AHNAK: variants seen among roughly 807,000 people sequenced by gnomAD.
The protein encoded by AHNAK is AHNAK nucleoprotein.
Under a neutral mutation model 37.8 loss-of-function variants are expected in AHNAK, and 23 were observed. That is an observed-to-expected ratio of 0.61 (90% CI 0.44 to 0.86). The LOEUF is 0.86. Ranked by LOEUF, AHNAK falls within the 40% of genes least tolerant of loss-of-function variation. The pLI is 0.00. For missense variants in AHNAK, 7,411 were observed against 7,319.4 expected, an observed-to-expected ratio of 1.01 and a Z score of -0.46; for synonymous variants, 2,481 against 2,636.3, an observed-to-expected ratio of 0.94 and a Z score of 1.80.
chr11:62,440,787 AG>A (rs1433906098), intron 5 of AHNAK, among the ~76,000 whole-genome samples: 1 of 152,162 alleles, frequency 6.6e-6, no homozygotes, highest in African/African-American at 2.4e-5. Flanking sequence ...GAGGGCCCTC[AG>A]CCAAAATCTC....
Position 62,530,701 on chromosome 11 carries a change from T to C in AHNAK, c.3716A>G (p.Asp1239Gly). 1.2e-6 allele frequency: 2 copies of C among 1,613,756 alleles called. No individual in the cohort carries two copies. Among genetic ancestry groups the C allele is most frequent in the Non-Finnish European group, 1.7e-6 (2 of 1,179,944 alleles). ...VEIKGPKMDI[D>G]APDVEVQGPD... is the part of the protein sequence containing the mutation. ...GCCTTGAACCTCCACATCTGGGGCA[T>C]CAATGTCCATTTTGGGTCCTTTGAT... The change falls in exon 5 of 5, where the codon GAT becomes GGT. Residue 1239 changes from aspartate (D) to glycine (G), a missense_variant. Physicochemically the swap from Asp to Gly is moderately conservative, Grantham distance 94. Transcript: ENST00000378024.
chr11:62,450,719 G>A (rs1938518651), intron 5 of AHNAK, among the ~76,000 whole-genome samples: 1 of 152,258 alleles, frequency 6.6e-6, no homozygotes, highest in South Asian at 2.1e-4. Context: ...CCACCAGAGA[G>A]AGGAAGTCAT....
At chr11:62,444,417 C>T (rs1938380342) in intron 5 of AHNAK, among the ~76,000 whole-genome samples, 1 of 152,196 alleles carries the variant, frequency 6.6e-6, no homozygotes, top group African/African-American at 2.4e-5. Flanking sequence ...AGAAGAGGAT[C>T]TCGAAAGCAG....
intron 5 of AHNAK, among the ~76,000 whole-genome samples, chr11:62,470,436 T>C (rs1164454829): frequency 1.4e-5 from 2 of 140,434 alleles, no homozygotes; most frequent in Admixed American, 1.4e-4. Flanking sequence ...ACAGCAAGAC[T>C]CTGTCTCAAA....
In AHNAK at chr11:62,520,847, T is replaced by C. The variant is rs1238541177; in HGVS notation, c.13570A>G (p.Ile4524Val). The C allele has an allele frequency of 6.2e-7, 1 of 1,614,148 alleles. No homozygotes were observed. Among genetic ancestry groups the C allele is most frequent in the Non-Finnish European group, 8.5e-7 (1 of 1,180,024 alleles). Residue 4524 changes from isoleucine to valine, a missense_variant, in exon 5 of 5, where the codon ATT becomes GTT. Physicochemically the swap from Ile to Val is conservative, Grantham distance 29 (BLOSUM62 3). Transcript: ENST00000378024. ...FKSPQISMSD[I>V]DLNLKGPKIK... ...TTAGGTCCTTTCAAATTCAAATCAA[T>C]GTCACTCATGGAGATTTGTGGGCTT... is the stretch of plus-strand genomic sequence containing the variant.
Position 62,517,115 on chromosome 11 carries a change from A to C in AHNAK, c.17302T>G (p.Phe5768Val). Reference sequence around the variant, plus strand: ...GGCTTCTTACTTTTAAATAAGGAGAATTTGCCTTTCGGTGAAGAGGCTTCG... The same window carrying C: ...GGCTTCTTACTTTTAAATAAGGAGACTTTGCCTTTCGGTGAAGAGGCTTCG... Reference protein sequence around the residue: ...EAEASSPKGKFSLFKSKKPRH... With the variant: ...EAEASSPKGKVSLFKSKKPRH... The change falls in exon 5 of 5, where the codon TTC (phenylalanine) becomes GTC (valine). Residue 5768 changes from phenylalanine (F) to valine (V), a missense_variant. Physicochemically the swap from Phe to Val is conservative, Grantham distance 50. Transcript: ENST00000378024. 6.2e-7 allele frequency: 1 copy of C among 1,613,234 alleles called. No individual in the cohort carries two copies. The highest frequency in any genetic ancestry group is 8.5e-7 in the Non-Finnish European group (1 of 1,179,844).
intron 5 of AHNAK, among the ~76,000 whole-genome samples, chr11:62,448,258 TGA>T (rs951904923): frequency 6.6e-6 from 1 of 152,182 alleles, no homozygotes; most frequent in Non-Finnish European, 1.5e-5. Flanking sequence ...GTTGTTATGC[TGA>T]GTGTGGCTGG....
In AHNAK at chr11:62,519,966, G is replaced by A. The variant is rs200960440; in HGVS notation, c.14451C>T (p.Asp4817=). The change falls in exon 5 of 5, where the codon GAC becomes GAT. Residue 4817 remains aspartate, a synonymous_variant. Transcript: ENST00000378024. ...CGATATTCACATCTGGAATATCAACGTCCACCTTGGGTCCCGAGACATCGA... is the reference window on the plus strand; with the variant it reads ...CGATATTCACATCTGGAATATCAACATCCACCTTGGGTCCCGAGACATCGA... ...ADIDVSGPKV[D]VDIPDVNIEG... is the part of the protein sequence containing the mutation. 20 of 1,613,126 alleles carry A rather than the reference G, an allele frequency of 1.2e-5. No individual in the cohort carries two copies. Among genetic ancestry groups the A allele is most frequent in the Admixed American group, 6.7e-5 (4 of 59,856 alleles).
At chr11:62,534,190 A>G in intron 4 of AHNAK, 116 bp from the exon 5 acceptor site, 1 of 1,103,138 alleles carries the variant, frequency 9.1e-7, no homozygotes. Flanking sequence ...TGGGACCAAA[A>G]CAGAGGTCCA....
At chr11:62,492,906 G>A (rs1939529174) in intron 4 of AHNAK, among the ~76,000 whole-genome samples, 1 of 151,210 alleles carries the variant, frequency 6.6e-6, no homozygotes, top group African/African-American at 2.5e-5. Context: ...CTCTTCCCCA[G>A]GGGATAGTAA....
chr11:62,510,776 T>TATATATATATATATATATATATAC (rs1555028323), intron 4 of AHNAK, among the ~76,000 whole-genome samples: 1 of 150,600 alleles, frequency 6.6e-6, no homozygotes, highest in African/African-American at 2.5e-5. Context: ...TATATATATA[T>TATATATATATATATATATATATAC]ATGTATATGT....
At chr11:62,512,679 G>A (rs572989306), downstream of AHNAK, among the ~76,000 whole-genome samples, 1 of 152,156 alleles carries the variant, frequency 6.6e-6, no homozygotes, top group East Asian at 1.9e-4. The surrounding 1 kb of genome is among the most constrained non-coding windows in gnomAD (Gnocchi z 4.0). Flanking sequence ...CAAGGAGGGA[G>A]TGATTGATTG....
intron 5 of AHNAK, among the ~76,000 whole-genome samples, chr11:62,476,258 G>T (rs1195323973): frequency 6.6e-6 from 1 of 152,234 alleles, no homozygotes; most frequent in East Asian, 1.9e-4. Flanking sequence ...GCATGGTGGC[G>T]CATGGCTATA....
chr11:62,494,503 C>G (rs1939570881), intron 4 of AHNAK, among the ~76,000 whole-genome samples: 1 of 151,942 alleles, frequency 6.6e-6, no homozygotes, highest in Non-Finnish European at 1.5e-5. Flanking sequence ...CTACTACTAC[C>G]CCGTTTTACA....
intron 5 of AHNAK, among the ~76,000 whole-genome samples, chr11:62,468,011 A>T (rs1938950414): frequency 6.6e-6 from 1 of 152,124 alleles, no homozygotes; most frequent in Admixed American, 6.6e-5. Flanking sequence ...TGTCCTCTAG[A>T]ATCTTCTTCC....
At chr11:62,483,459 G>C (rs1939317477) in intron 5 of AHNAK, among the ~76,000 whole-genome samples, 1 of 152,224 alleles carries the variant, frequency 6.6e-6, no homozygotes, top group African/African-American at 2.4e-5. Flanking sequence ...GGGCGCGGTG[G>C]CTCGCGCCTG....
intron 5 of AHNAK, among the ~76,000 whole-genome samples, chr11:62,463,735 G>A (rs1197515535): frequency 1.3e-5 from 2 of 151,774 alleles, no homozygotes; most frequent in Non-Finnish European, 2.9e-5. Flanking sequence ...TTGTTTGGTT[G>A]GTTGGTTGGT....
chr11:62,447,744 G>A (rs907408951), intron 5 of AHNAK, among the ~76,000 whole-genome samples: 1 of 152,080 alleles, frequency 6.6e-6, no homozygotes, highest in African/African-American at 2.4e-5. Flanking sequence ...GTGTTCTCCT[G>A]GCCCTCTGCC....
Position 62,516,515 on chromosome 11 carries a change from T to A in AHNAK, c.*229A>T. ...ATATATGAAATCTTAAGGCAAATAC[T>A]GTTGACTTTGCACATGGGCTGGACG... On this transcript the variant is annotated 3_prime_UTR_variant, in exon 5 of 5. Transcript: ENST00000378024. 1 of 1,398,218 alleles carries A rather than the reference T, an allele frequency of 7.2e-7. No homozygotes were observed. Among genetic ancestry groups the A allele is most frequent in the Non-Finnish European group, 9.3e-7 (1 of 1,080,608 alleles). 86.6% of individuals were successfully genotyped at this position (1,398,218 alleles called of 1,614,324 possible).
Sources: gnomAD v4.1 joint callset for allele counts (sites outside exome capture counted in the v4.1 genomes callset) on GRCh38, gnomAD v4.1.1 for gene constraint, Gnocchi (gnomAD v3.1) non-coding constraint, MANE v1.5 for transcripts, NCBI Gene and HGNC (gene_info 2026-07-23, HGNC 2026-07-21) for gene names.